ISLR2: variants seen among roughly 807,000 people sequenced by gnomAD.
ISLR2 encodes the protein immunoglobulin superfamily containing leucine rich repeat 2.
A neutral mutation model predicts 25.5 loss-of-function variants in ISLR2; 16 were observed. That is an observed-to-expected ratio of 0.63 (90% confidence interval 0.43 to 0.95). ISLR2 has a LOEUF of 0.95. Ranked by LOEUF, ISLR2 falls within the 40% of genes least tolerant of loss-of-function variation. The probability of loss-of-function intolerance (pLI) is 0.00; values close to 1 mark genes in which losing one functional copy is unlikely to be tolerated. For synonymous variants in ISLR2, 508 were observed against 486.6 expected (o/e 1.04, Z -0.58); for missense variants, 883 against 1,030.7 (o/e 0.86, Z 1.96).
chr15:74,125,416 A>C (rs979689174), upstream of ISLR2, among the ~76,000 whole-genome samples: 4 of 152,164 alleles, frequency 2.6e-5, no homozygotes, highest in East Asian at 5.8e-4. Context: ...TAATTTAAAA[A>C]AAATGTAGAG....
At chr15:74,112,269 T>A (rs1183520254) in intron 2 of ISLR2, among the ~76,000 whole-genome samples, 1 of 152,208 alleles carries the variant, frequency 6.6e-6, no homozygotes. Flanking sequence ...CTGGACTATG[T>A]CCTGCTTGGC....
rs758262314 is a variant in ISLR2, at chr15:74,132,835, G to T, written c.81G>T (p.Val27=). 6.2e-7 allele frequency: 1 copy of T among 1,614,110 alleles called. No homozygotes were observed. The highest frequency in any genetic ancestry group is 8.5e-7 in the Non-Finnish European group (1 of 1,179,942). Residue 27 remains valine, a synonymous_variant, in exon 3 of 3, where the codon GTG becomes GTT. Coordinates refer to ENST00000453268, the MANE Select transcript of ISLR2 (RefSeq NM_020851.3). The surrounding 1 kb of genome is among the most constrained non-coding windows in gnomAD (Gnocchi z 4.3). ...CATGCCCGGAGCCGTGCGCCTGCGTGGACAAGTACGCTCACCAGTTCGCGG... is the reference window on the plus strand; with the variant it reads ...CATGCCCGGAGCCGTGCGCCTGCGTTGACAAGTACGCTCACCAGTTCGCGG... ...AGSCPEPCAC[V]DKYAHQFADC...
At chr15:74,137,869 A>G (rs759402913), downstream of ISLR2, among the ~76,000 whole-genome samples, 1 of 152,146 alleles carries the variant, frequency 6.6e-6, no homozygotes, top group African/African-American at 2.4e-5. Context: ...GTCCTCTGGC[A>G]TAGGTGGTGG....
Position 74,133,942 on chromosome 15 carries a change from G to A in ISLR2, c.1188G>A (p.Glu396=), listed in dbSNP as rs1036933874. The A allele has an allele frequency of 1.2e-6, 2 of 1,606,220 alleles. No individual in the cohort carries two copies. Among genetic ancestry groups the A allele is most frequent in the African/African-American group, 1.3e-5 (1 of 74,944 alleles). ...GEPDGQAPTS[E]RKSTAKGRGN... Reference sequence around the variant, plus strand: ...CCGACGGACAGGCCCCGACCTCTGAGCGCAAGTCCACAGCCAAGGGCCGGG... The same window carrying A: ...CCGACGGACAGGCCCCGACCTCTGAACGCAAGTCCACAGCCAAGGGCCGGG... The change falls in exon 3 of 3, where the codon GAG becomes GAA. Residue 396 remains glutamate (E), a synonymous_variant. Transcript: ENST00000453268.
At position 74,116,696 on chromosome 15, in the gene ISLR2, A is replaced by G. The variant is rs1278358877; in HGVS notation, n.228+12782A>G. ...AAAGTAATAACATTATGGGGTTTATAACATGTGGAAGTAAAATGATGATGA... is the reference window on the plus strand; with the variant it reads ...AAAGTAATAACATTATGGGGTTTATGACATGTGGAAGTAAAATGATGATGA... On this transcript the variant is annotated intron_variant and non_coding_transcript_variant, in intron 2 of 3. Coordinates refer to the ISLR2 transcript ENST00000561975. Among the ~76,000 whole-genome samples the G allele has an allele frequency of 7.9e-5, 12 of 151,960 alleles. No homozygotes were observed. In the Admixed American group the frequency reaches 8.0e-4, roughly 10 times the overall value.
chr15:74,126,518 T>C (rs1388596661), upstream of ISLR2: 2 of 152,044 alleles, frequency 1.3e-5, no homozygotes, highest in Non-Finnish European at 2.9e-5. Flanking sequence ...GGCTAATTTT[T>C]GTATTTTTAG....
At chr15:74,141,005 C>A (rs75304296), downstream of ISLR2, among the ~76,000 whole-genome samples, 8,351 of 152,212 alleles carry the variant, frequency 0.055, 321 homozygotes, top group South Asian at 0.17. Context: ...TTTTAAAAAG[C>A]CATCCAAAGG....
intron 2 of ISLR2, among the ~76,000 whole-genome samples, chr15:74,119,510 ATC>A (rs1328487399): frequency 6.6e-6 from 1 of 152,118 alleles, no homozygotes; most frequent in Admixed American, 6.5e-5. Flanking sequence ...GTACTCTTGT[ATC>A]TGTTAACCTG....
chr15:74,104,831 C>T, intron 2 of ISLR2, among the ~76,000 whole-genome samples: 1 of 146,290 alleles, frequency 6.8e-6, no homozygotes, highest in Admixed American at 6.8e-5. Context: ...ATCAGTCTTC[C>T]TGCCTCAGCC....
At chr15:74,108,156 C>G (rs780105946) in intron 2 of ISLR2, among the ~76,000 whole-genome samples, 7 of 152,154 alleles carry the variant, frequency 4.6e-5, no homozygotes, top group Non-Finnish European at 8.8e-5. Context: ...TGACCATAAC[C>G]CAGGACGCTA....
chr15:74,112,088 AT>A (rs2072172444), intron 2 of ISLR2, among the ~76,000 whole-genome samples: 1 of 152,244 alleles, frequency 6.6e-6, no homozygotes, highest in Non-Finnish European at 1.5e-5. Flanking sequence ...AAAGGTTAAA[AT>A]TTTTAAAGTT....
Position 74,134,078 on chromosome 15 carries a change from G to T in ISLR2, c.1324G>T (p.Gly442Ter). ...ETEPEEDTSE[G>*]EEAEDQILAD... ...GGAGCCGGAGGAGGACACAAGTGAG[G>T]GAGAGGAGGCCGAAGACCAGATCCT... The change falls in exon 3 of 3, where the codon GGA becomes TGA. Residue 442 changes from glycine (G) to a stop codon, truncating the protein, a stop_gained. Coordinates refer to ENST00000453268, the MANE Select transcript of ISLR2 (RefSeq NM_020851.3). LOFTEE classifies it high-confidence loss of function. The T allele has an allele frequency of 6.2e-7, 1 of 1,613,732 alleles. No individual in the cohort carries two copies. The highest frequency in any genetic ancestry group is 8.5e-7 in the Non-Finnish European group (1 of 1,179,878).
chr15:74,135,019 C>A lies in ISLR2; in HGVS notation c.*27C>A, dbSNP rs759380125. ...CCTCCGCCCGTCCGGCCCGCCCATT[C>A]CCGACCTCCACCTAGGGTGCCTGGG... On this transcript the variant is annotated 3_prime_UTR_variant, in exon 3 of 3. Coordinates refer to ENST00000453268, the MANE Select transcript of ISLR2 (RefSeq NM_020851.3). 9 of 1,600,482 alleles carry A rather than the reference C, an allele frequency of 5.6e-6. No homozygotes were observed. In the Admixed American group the frequency reaches 1.2e-4, roughly 21 times the overall value.
chr15:74,133,912 A>C lies in ISLR2; in HGVS notation c.1158A>C (p.Gly386=). 6.2e-7 allele frequency: 1 copy of C among 1,604,348 alleles called. No individual in the cohort carries two copies. The highest frequency in any genetic ancestry group is 8.5e-7 in the Non-Finnish European group (1 of 1,175,744). Residue 386 remains glycine, a synonymous_variant, in exon 3 of 3, where the codon GGA becomes GGC. Coordinates refer to ENST00000453268, the MANE Select transcript of ISLR2 (RefSeq NM_020851.3). ...GPPKHAPGAG[G]EPDGQAPTSE... is the part of the protein sequence containing the mutation. ...CAAAACACGCGCCTGGCGCCGGGGG[A>C]GAACCCGACGGACAGGCCCCGACCT... is the stretch of plus-strand genomic sequence containing the variant.
rs772127488 is a variant in ISLR2, at chr15:74,133,716, C to T, written c.962C>T (p.Pro321Leu). Residue 321 changes from proline to leucine, a missense_variant, in exon 3 of 3, where the codon CCC (proline) becomes CTC (leucine). By Grantham distance (98) the Pro-to-Leu change is moderately conservative. Around this residue, in one of 2 missense-constraint regions of ISLR2, gnomAD observed 612 missense variants for 642.8 expected, o/e 0.95. Coordinates refer to ENST00000453268, the MANE Select transcript of ISLR2 (RefSeq NM_020851.3). Reference protein sequence around the residue: ...QTQAQTPTPAPAWPAPPATPR... With the variant: ...QTQAQTPTPALAWPAPPATPR... ...CAAGCCCAAACGCCGACTCCAGCACCCGCTTGGCCGGCGCCCCCAGCCACA... is the reference window on the plus strand; with the variant it reads ...CAAGCCCAAACGCCGACTCCAGCACTCGCTTGGCCGGCGCCCCCAGCCACA... 1.9e-6 allele frequency: 3 copies of T among 1,608,954 alleles called. No homozygotes were observed. The highest frequency in any genetic ancestry group is 8.5e-7 in the Non-Finnish European group (1 of 1,177,688).
At chr15:74,139,297 G>A (rs959534874), downstream of ISLR2, among the ~76,000 whole-genome samples, 1 of 152,222 alleles carries the variant, frequency 6.6e-6, no homozygotes. Flanking sequence ...GAAAACTCTA[G>A]TTTCTGTCCA....
At chr15:74,111,930 T>A (rs932530371) in intron 2 of ISLR2, among the ~76,000 whole-genome samples, 1 of 152,174 alleles carries the variant, frequency 6.6e-6, no homozygotes, top group Non-Finnish European at 1.5e-5. Context: ...ACATACGTGA[T>A]AAAATGGCAT....
At chr15:74,108,548 C>T (rs2072140720) in intron 2 of ISLR2, among the ~76,000 whole-genome samples, 1 of 152,324 alleles carries the variant, frequency 6.6e-6, no homozygotes, top group Admixed American at 6.5e-5. Flanking sequence ...CCCCACTCCT[C>T]CCACCTGGCT....
At chr15:74,103,615 G>A (rs963945909) in intron 1 of ISLR2, among the ~76,000 whole-genome samples, 6 of 126,602 alleles carry the variant, frequency 4.7e-5, no homozygotes, top group Non-Finnish European at 9.7e-5. Context: ...GTGAGACTCT[G>A]TCCCAAAGAA....
Sources: gnomAD v4.1 joint callset for allele counts (sites outside exome capture counted in the v4.1 genomes callset) on GRCh38, gnomAD v4.1.1 for gene constraint, gnomAD v4.1.1 regional missense constraint, Gnocchi (gnomAD v3.1) non-coding constraint, MANE v1.5 for transcripts, NCBI Gene and HGNC (gene_info 2026-07-23, HGNC 2026-07-21) for gene names.